The following CCDC146 variants were observed in gnomAD, a reference collection of about 807,000 sequenced individuals.
CCDC146 encodes coiled-coil domain containing 146.
A neutral mutation model predicts 119.3 loss-of-function variants in CCDC146; 92 were observed. The ratio of observed to expected loss-of-function variants is 0.77; its 90% CI spans 0.65 to 0.92. The LOEUF (loss-of-function observed/expected upper bound fraction) is 0.92. Ranked by LOEUF, CCDC146 falls within the 40% of genes least tolerant of loss-of-function variation. CCDC146 has a pLI of 0.00. For missense variants in CCDC146, 1,000 were observed against 1,103.0 expected, an observed-to-expected ratio of 0.91 and a Z score of 1.32; for synonymous variants, 372 against 371.8, an observed-to-expected ratio of 1.00 and a Z score of -0.01.
At chr7:77,279,616 T>C (rs1324930570) in intron 13 of CCDC146, among the ~76,000 whole-genome samples, 1 of 152,184 alleles carries the variant, frequency 6.6e-6, no homozygotes, top group East Asian at 1.9e-4. Flanking sequence ...AGAGGTGGTG[T>C]CCAGACTCAA....
chr7:77,152,483 A>ACTTTGC (rs1469702576), intron 1 of CCDC146, among the ~76,000 whole-genome samples: 1 of 152,158 alleles, frequency 6.6e-6, no homozygotes, highest in Non-Finnish European at 1.5e-5. Flanking sequence ...GGGAGAGGGA[A>ACTTTGC]CTTTGCCTAC....
chr7:77,295,138 A>G lies in CCDC146; in HGVS notation c.*272A>G, dbSNP rs1133059. The G allele has an allele frequency of 0.093, 29,143 of 314,476 alleles. 1,637 individuals are homozygous for G. Among genetic ancestry groups the G allele is most frequent in the Non-Finnish European group, 0.11 (18,820 of 169,068 alleles). 19.5% of individuals were successfully genotyped at this position (314,476 alleles called of 1,614,324 possible). The stretch of plus-strand genomic sequence containing the variant: ...CTTTTTCACTCTTTATATTGAGTAC[A>G]TTCCAGAAATTTGTAGTAGGCAAGG... On this transcript the variant is annotated 3_prime_UTR_variant, in exon 19 of 19. Transcript: ENST00000285871.
In CCDC146 at chr7:77,286,805, A is replaced by C. The variant is rs572871866; in HGVS notation, c.2156A>C (p.Gln719Pro). 6.2e-7 allele frequency: 1 copy of C among 1,613,162 alleles called. No homozygotes were observed. The highest frequency in any genetic ancestry group is 1.3e-5 in the African/African-American group (1 of 74,966). Residue 719 changes from glutamine (Q) to proline (P), a missense_variant, in exon 16 of 19, where the codon CAG (glutamine) becomes CCG (proline). Physicochemically the swap from Gln to Pro is moderately conservative, Grantham distance 76. Around this residue, in one of 2 missense-constraint regions of CCDC146, gnomAD observed 985 missense variants for 1,045.3 expected, o/e 0.94. Coordinates refer to ENST00000285871, the MANE Select transcript of CCDC146 (RefSeq NM_020879.3). ...DLAVLQIQFS[Q>P]CTDRIKDLEK... is the part of the protein sequence containing the mutation. ...ATGTTTTTTTCTTAATAGTTTTCAC[A>C]GTGTACAGACAGAATTAAAGACCTG... is the stretch of plus-strand genomic sequence containing the variant.
intron 15 of CCDC146, among the ~76,000 whole-genome samples, chr7:77,286,160 G>A (rs1461542449): frequency 6.6e-6 from 1 of 152,192 alleles, no homozygotes; most frequent in Non-Finnish European, 1.5e-5. Flanking sequence ...CATCTGGTGA[G>A]GGCCTCAGGA....
intron 2 of CCDC146, among the ~76,000 whole-genome samples, chr7:77,187,111 T>C (rs901753744): frequency 2.6e-5 from 4 of 152,214 alleles, no homozygotes; most frequent in African/African-American, 9.7e-5. Flanking sequence ...TCTCCACTTT[T>C]GGTAATTTTC....
chr7:77,190,788 CGGCTTGTTACCTCTGGGGAGA>C (rs1290388964), intron 2 of CCDC146, among the ~76,000 whole-genome samples: 2 of 152,120 alleles, frequency 1.3e-5, no homozygotes, highest in Non-Finnish European at 2.9e-5. Flanking sequence ...TTGGCCACCT[CGGCTTGTTACCTCTGGGGAGA>C]GGGACAGGAT....
chr7:77,185,272 T>C (rs1178577435), intron 2 of CCDC146, among the ~76,000 whole-genome samples: 1 of 152,110 alleles, frequency 6.6e-6, no homozygotes, highest in Non-Finnish European at 1.5e-5. Flanking sequence ...TGAACAAAAA[T>C]TAAAACAGGT....
At chr7:77,135,209 C>G (rs370482897) in intron 1 of CCDC146, among the ~76,000 whole-genome samples, 9 of 152,034 alleles carry the variant, frequency 5.9e-5, no homozygotes, top group East Asian at 1.9e-4. Context: ...AAGTTTGGAC[C>G]AGGTGCAGTG....
Position 77,139,530 on chromosome 7 carries a change from A to C in CCDC146, c.-12+16798A>C, listed in dbSNP as rs552867322. Among the ~76,000 whole-genome samples the C allele has an allele frequency of 2.0e-5, 3 of 152,342 alleles. No individual in the cohort carries two copies. In the East Asian group the frequency reaches 5.8e-4, roughly 29 times the overall value. ...AAACGATGGACTCTAGGTGATTATG[A>C]TGTGTCAATGTAGTTTCATCAGTTG... On this transcript the variant is annotated intron_variant, in intron 1 of 18. Transcript: ENST00000285871.
intron 2 of CCDC146, among the ~76,000 whole-genome samples, chr7:77,215,070 T>C (rs1792270696): frequency 6.6e-6 from 1 of 152,164 alleles, no homozygotes; most frequent in Non-Finnish European, 1.5e-5. Flanking sequence ...CTCAGTTATT[T>C]GGTTACCCTG....
intron 14 of CCDC146, 80 bp from the exon 15 acceptor site, chr7:77,282,477 A>G: frequency 1.1e-6 from 1 of 925,238 alleles, no homozygotes; most frequent in Non-Finnish European, 1.6e-6. Context: ...TCTTGCATCC[A>G]AAGCCAGAGG....
intron 11 of CCDC146, among the ~76,000 whole-genome samples, chr7:77,278,441 T>C (rs1402843094): frequency 2.1e-5 from 2 of 93,518 alleles, no homozygotes; most frequent in Non-Finnish European, 5.1e-5. Flanking sequence ...AATAATTTTT[T>C]TTTTTTTTTT....
chr7:77,164,319 A>G (rs1409146061), intron 1 of CCDC146, among the ~76,000 whole-genome samples: 1 of 152,152 alleles, frequency 6.6e-6, no homozygotes, highest in African/African-American at 2.4e-5. Context: ...ATATAGCCAA[A>G]CCATTTTTAG....
intron 2 of CCDC146, among the ~76,000 whole-genome samples, chr7:77,182,811 G>T (rs115458846): frequency 0.018 from 2,692 of 151,914 alleles, 72 homozygotes; most frequent in African/African-American, 0.062. Flanking sequence ...AAAAAATTTG[G>T]ATGTGGTGGA....
chr7:77,288,623 A>G (rs939996020), intron 17 of CCDC146, among the ~76,000 whole-genome samples: 1 of 152,256 alleles, frequency 6.6e-6, no homozygotes, highest in Non-Finnish European at 1.5e-5. Flanking sequence ...CATCCCGTCA[A>G]TGCAGAGAGT....
intron 1 of CCDC146, among the ~76,000 whole-genome samples, chr7:77,127,613 G>A (rs1204749951): frequency 6.6e-6 from 1 of 152,100 alleles, no homozygotes; most frequent in Non-Finnish European, 1.5e-5. Flanking sequence ...AAGGGCAAAT[G>A]TTGCCTCTTT....
intron 4 of CCDC146, among the ~76,000 whole-genome samples, chr7:77,249,962 A>G (rs1793027590): frequency 6.6e-6 from 1 of 152,110 alleles, no homozygotes; most frequent in African/African-American, 2.4e-5. Flanking sequence ...CTTTCTTAGT[A>G]TATCAGTTGT....
At chr7:77,266,029 C>T (rs896322649) in intron 9 of CCDC146, among the ~76,000 whole-genome samples, 3 of 152,176 alleles carry the variant, frequency 2.0e-5, no homozygotes, top group Non-Finnish European at 4.4e-5. Context: ...CGGTATACCT[C>T]TGCATTTAAA....
Position 77,293,185 on chromosome 7 carries a change from C to G in CCDC146, c.2649C>G (p.Ile883Met). ...LRDEEMHALA[I>M]AEKSQEFLEA... ...ATGAAGAAATGCACGCCTTGGCCAT[C>G]GCTGAAAAGTCTCAGGTAGGCTTTG... The change falls in exon 18 of 19, where the codon ATC becomes ATG. Residue 883 changes from isoleucine to methionine, a missense_variant. Ile to Met is a conservative substitution (Grantham distance 10). Transcript: ENST00000285871. 2 of 1,613,914 alleles carry G rather than the reference C, an allele frequency of 1.2e-6. No homozygotes were observed. Among genetic ancestry groups the G allele is most frequent in the Non-Finnish European group, 1.7e-6 (2 of 1,179,998 alleles).
Sources: gnomAD v4.1 joint callset for allele counts (sites outside exome capture counted in the v4.1 genomes callset) on GRCh38, gnomAD v4.1.1 for gene constraint, gnomAD v4.1.1 regional missense constraint, MANE v1.5 for transcripts, NCBI Gene and HGNC (gene_info 2026-07-23, HGNC 2026-07-21) for gene names.